Variants in PAPPA2 observed in about 807,000 individuals in gnomAD.
PAPPA2 encodes the protein pappalysin 2.
Under a neutral mutation model 176.4 loss-of-function variants are expected in PAPPA2, and 86 were observed. That is an observed-to-expected ratio of 0.49 (90% CI 0.41 to 0.58). The LOEUF (loss-of-function observed/expected upper bound fraction) is 0.58. Ranked by LOEUF, PAPPA2 falls within the 20% of genes least tolerant of loss-of-function variation. The pLI, the probability that PAPPA2 is intolerant of heterozygous loss-of-function variation, is 0.00. For missense variants in PAPPA2, 2,073 were observed against 2,256.9 expected (o/e 0.92, Z 1.65); for synonymous variants, 809 against 852.2 (o/e 0.95, Z 0.88).
intron 20 of PAPPA2, among the ~76,000 whole-genome samples, chr1:176,794,197 TGGC>T (rs1192891013): frequency 6.6e-6 from 1 of 152,224 alleles, no homozygotes. Flanking sequence ...TTAGGTAGTC[TGGC>T]GTTTTGATGA....
At chr1:176,832,427 C>A (rs1218911207) in intron 21 of PAPPA2, among the ~76,000 whole-genome samples, 1 of 152,134 alleles carries the variant, frequency 6.6e-6, no homozygotes, top group Non-Finnish European at 1.5e-5. Flanking sequence ...GCGATCTCGG[C>A]TCACTGCAAT....
chr1:176,789,458 C>T (rs574444266), intron 17 of PAPPA2, among the ~76,000 whole-genome samples: 39 of 151,972 alleles, frequency 2.6e-4, no homozygotes, highest in Non-Finnish European at 1.0e-4. Flanking sequence ...TGCTAAATGA[C>T]GAGTTAATGG....
chr1:176,725,491 C>T (rs1244110572), intron 12 of PAPPA2, among the ~76,000 whole-genome samples: 2 of 152,146 alleles, frequency 1.3e-5, no homozygotes, highest in Non-Finnish European at 2.9e-5. Context: ...ACCATCTTCA[C>T]CCTTAAGGTA....
intron 1 of PAPPA2, among the ~76,000 whole-genome samples, chr1:176,498,296 C>T (rs1384946740): frequency 6.6e-6 from 1 of 152,180 alleles, no homozygotes; most frequent in African/African-American, 2.4e-5. Context: ...CCAGGTCCCA[C>T]TCTGGGAATT....
At chr1:176,831,399 G>C (rs952004891) in intron 21 of PAPPA2, among the ~76,000 whole-genome samples, 8 of 152,198 alleles carry the variant, frequency 5.3e-5, no homozygotes. Context: ...GTTTTCAGTA[G>C]GGCCCTGTGC....
intron 17 of PAPPA2, among the ~76,000 whole-genome samples, chr1:176,772,664 C>T (rs1206556659): frequency 1.3e-5 from 2 of 152,172 alleles, no homozygotes; most frequent in African/African-American, 4.8e-5. Context: ...GGAGGCAACA[C>T]TCCCTGGTTC....
chr1:176,835,730 T>C (rs9659359), intron 21 of PAPPA2, among the ~76,000 whole-genome samples: 15,654 of 152,110 alleles, frequency 0.1, 988 homozygotes, highest in African/African-American at 0.17. Flanking sequence ...GTTTGTCAGG[T>C]TGGTCTCGAA....
intron 16 of PAPPA2, 144 bp downstream of exon 16, chr1:176,769,928 C>T: frequency 1.2e-6 from 1 of 856,872 alleles, no homozygotes; most frequent in Non-Finnish European, 1.7e-6. Context: ...CAGAAAAGTC[C>T]CAAAAGGCAA....
Position 176,617,655 on chromosome 1 carries a change from T to C in PAPPA2, c.1991+22060T>C, listed in dbSNP as rs116991885. On this transcript the variant is annotated intron_variant, in intron 3 of 22. Coordinates refer to ENST00000367662, the MANE Select transcript of PAPPA2 (RefSeq NM_020318.3). Reference sequence around the variant, plus strand: ...AGTGGTATTCCATGGCGCATATATATATATATATATCACATTTTCTTTATC... The same window carrying C: ...AGTGGTATTCCATGGCGCATATATACATATATATATCACATTTTCTTTATC... Among the ~76,000 whole-genome samples the C allele has an allele frequency of 1.1e-4, 17 of 152,240 alleles. No homozygotes were observed. In the East Asian group the frequency reaches 3.3e-3, roughly 29 times the overall value.
chr1:176,491,945 C>G (rs1187579144), intron 1 of PAPPA2, among the ~76,000 whole-genome samples: 1 of 152,132 alleles, frequency 6.6e-6, no homozygotes, highest in African/African-American at 2.4e-5. Flanking sequence ...AATTCTATGC[C>G]CTGCACTTGT....
intron 3 of PAPPA2, among the ~76,000 whole-genome samples, chr1:176,618,572 G>A (rs1229351003): frequency 3.9e-5 from 6 of 152,154 alleles, no homozygotes; most frequent in African/African-American, 1.2e-4. Context: ...ATTGTACTGT[G>A]TGCATTCGCT....
chr1:176,763,364 C>T (rs1163759150), intron 14 of PAPPA2, among the ~76,000 whole-genome samples: 2 of 152,158 alleles, frequency 1.3e-5, no homozygotes, highest in African/African-American at 2.4e-5. Flanking sequence ...CAGATCGAGG[C>T]CTTCCTAACA....
At chr1:176,552,544 C>T (rs1311988846) in intron 1 of PAPPA2, among the ~76,000 whole-genome samples, 1 of 151,908 alleles carries the variant, frequency 6.6e-6, no homozygotes, top group African/African-American at 2.4e-5. Context: ...TATCTGTAAG[C>T]TCCAATTTCT....
intron 21 of PAPPA2, among the ~76,000 whole-genome samples, chr1:176,826,820 C>T (rs570061206): frequency 1.1e-4 from 17 of 152,304 alleles, no homozygotes; most frequent in African/African-American, 3.6e-4. Flanking sequence ...CGGGGCCCCT[C>T]TAGACCTGTG....
At chr1:176,544,785 G>A (rs960995733) in intron 1 of PAPPA2, among the ~76,000 whole-genome samples, 3 of 152,080 alleles carry the variant, frequency 2.0e-5, no homozygotes, top group African/African-American at 4.8e-5. Flanking sequence ...CAAATCTGAG[G>A]TTCCCATAAA....
intron 2 of PAPPA2, among the ~76,000 whole-genome samples, chr1:176,566,964 C>A (rs924221069): frequency 1.2e-4 from 18 of 152,164 alleles, no homozygotes; most frequent in African/African-American, 4.3e-4. Context: ...ATGTCATAAA[C>A]AAGGACACAG....
chr1:176,571,041 C>T (rs1411609982), intron 2 of PAPPA2, among the ~76,000 whole-genome samples: 1 of 152,154 alleles, frequency 6.6e-6, no homozygotes, highest in Non-Finnish European at 1.5e-5. Context: ...GGATCTCCAT[C>T]ATCTGTGTGC....
chr1:176,491,628 A>G (rs538409610), intron 1 of PAPPA2, among the ~76,000 whole-genome samples: 1 of 152,378 alleles, frequency 6.6e-6, no homozygotes, highest in Non-Finnish European at 1.5e-5. Flanking sequence ...AGATGTATAC[A>G]TGAGAAAAAT....
intron 2 of PAPPA2, among the ~76,000 whole-genome samples, chr1:176,578,270 AG>A (rs1652765760): frequency 6.6e-6 from 1 of 152,224 alleles, no homozygotes; most frequent in African/African-American, 2.4e-5. Context: ...AGGATCTAGA[AG>A]AAAGCATCTT....
Sources: allele counts gnomAD v4.1 joint callset (sites outside exome capture counted in the v4.1 genomes callset), GRCh38; gene constraint gnomAD v4.1.1; transcripts MANE v1.5; gene names NCBI Gene and HGNC (gene_info 2026-07-23, HGNC 2026-07-21).